The following WNK3 variants were observed in gnomAD, a reference collection of about 807,000 sequenced individuals.
WNK3 encodes serine/threonine-protein kinase WNK3.
WNK3 carries 18 observed loss-of-function variants against 116.7 expected under a neutral mutation model. The ratio of observed to expected loss-of-function variants is 0.15; its 90% confidence interval spans 0.11 to 0.23. The LOEUF is 0.23. Ranked by LOEUF, WNK3 falls within the 10% of genes least tolerant of loss-of-function variation. The pLI is 1.00. For missense variants in WNK3, 993 were observed against 1,323.8 expected, an observed-to-expected ratio of 0.75 and a Z score of 3.88; for synonymous variants, 404 against 469.4, an observed-to-expected ratio of 0.86 and a Z score of 1.80.
chrX:54,222,557 T>C (rs2146798761), intron 22 of WNK3, among the ~76,000 whole-genome samples: 1 of 105,222 alleles, frequency 9.5e-6, no homozygotes, highest in Non-Finnish European at 1.9e-5. Flanking sequence ...AGACCCTGTC[T>C]CAAAAAAAAG....
At chrX:54,333,523 C>T in exon 2 of WNK3, 1 of 1,209,869 alleles carries the variant, frequency 8.3e-7, no homozygotes, top group Non-Finnish European at 1.1e-6. Context: ...TCTACAGTTT[C>T]CCCAGAAGCA....
At chrX:54,319,545 T>C (rs1700779335) in intron 2 of WNK3, among the ~76,000 whole-genome samples, 2 of 112,151 alleles carry the variant, frequency 1.8e-5, no homozygotes, top group South Asian at 7.4e-4. Flanking sequence ...ACTACCCTAC[T>C]TCATCCTTTG....
chrX:54,235,563 AG>A (rs1269239486), intron 20 of WNK3, among the ~76,000 whole-genome samples: 1 of 111,903 alleles, frequency 8.9e-6, no homozygotes, highest in Non-Finnish European at 1.9e-5. Context: ...CTGGGATTAC[AG>A]GCATGAGCCA....
intron 10 of WNK3, among the ~76,000 whole-genome samples, chrX:54,279,747 T>C (rs782174178): frequency 9.0e-6 from 1 of 111,665 alleles, no homozygotes; most frequent in African/African-American, 3.2e-5. Flanking sequence ...AACTTTTGGG[T>C]GTTCTGGAAA....
At chrX:54,323,617 T>TA (rs1450726534) in intron 2 of WNK3, among the ~76,000 whole-genome samples, 6 of 112,071 alleles carry the variant, frequency 5.4e-5, no homozygotes, top group African/African-American at 1.6e-4. Context: ...AAAAAGTTTT[T>TA]AAAAAAGAAA....
chrX:54,281,492 AT>A (rs1440666452), intron 10 of WNK3, among the ~76,000 whole-genome samples: 1 of 110,805 alleles, frequency 9.0e-6, no homozygotes, highest in Admixed American at 9.7e-5. Context: ...TCAAAAAAAA[AT>A]TTTTTTTCAA....
intron 1 of WNK3, among the ~76,000 whole-genome samples, chrX:54,344,943 C>CA (rs782685356): frequency 0.028 from 1,285 of 46,463 alleles, 34 homozygotes; most frequent in African/African-American, 0.067. Flanking sequence ...GACTCCCTCT[C>CA]AAAAAAAAAA....
intron 6 of WNK3, among the ~76,000 whole-genome samples, chrX:54,299,059 T>C (rs782810244): frequency 8.9e-6 from 1 of 111,840 alleles, no homozygotes; most frequent in Non-Finnish European, 1.9e-5. Flanking sequence ...GGATTAACCA[T>C]CTCTGAAGAG....
intron 8 of WNK3, 147 bp from the exon 9 acceptor site, chrX:54,293,474 T>C (rs1313503657): frequency 2.5e-5 from 10 of 396,531 alleles, no homozygotes; most frequent in Non-Finnish European, 3.2e-5. Context: ...ACTACAACAT[T>C]AATCAAAAAC....
intron 17 of WNK3, among the ~76,000 whole-genome samples, chrX:54,242,663 C>G (rs1396095406): frequency 1.8e-5 from 2 of 111,823 alleles, no homozygotes; most frequent in African/African-American, 6.5e-5. Flanking sequence ...ATGCCAAGAC[C>G]ATTAAATGGG....
At chrX:54,291,648 G>C (rs1557165082) in intron 10 of WNK3, among the ~76,000 whole-genome samples, 1 of 111,493 alleles carries the variant, frequency 9.0e-6, no homozygotes, top group Non-Finnish European at 1.9e-5. Context: ...CAAATATCTG[G>C]CATCTTCAAC....
chrX:54,270,316 G>T (rs1337958400), intron 10 of WNK3, among the ~76,000 whole-genome samples: 1 of 109,682 alleles, frequency 9.1e-6, no homozygotes, highest in African/African-American at 3.3e-5. Flanking sequence ...CGTTGGTCAG[G>T]CTGGTCTTGA....
rs1603378820 is a variant in WNK3 at position 54,236,885 on chromosome X, T to C, written c.4628+53A>G. 1.2e-5 allele frequency: 14 copies of C among 1,134,950 alleles called. No individual in the cohort carries two copies. The East Asian group carries it at 4.2e-4, about 34-fold the overall frequency. 93.5% of individuals were successfully genotyped at this position (1,134,950 alleles called of 1,213,427 possible). On this transcript the variant is annotated intron_variant, in intron 20 of 23. Coordinates refer to ENST00000354646, the Ensembl canonical transcript of WNK3. The stretch of plus-strand genomic sequence containing the variant: ...AATTAGTTACCAATCCAATACTAAG[T>C]TCTATAAAACCTAGGGCAACCAGAT...
exon 14 of WNK3, chrX:54,251,662 C>T: frequency 1.2e-5 from 14 of 1,211,030 alleles, no homozygotes; most frequent in Non-Finnish European, 1.6e-5. Flanking sequence ...TTCTTTCTCA[C>T]TTTCCAGCAC....
chrX:54,347,254 G>A (rs1443531954), intron 1 of WNK3, among the ~76,000 whole-genome samples: 1 of 112,342 alleles, frequency 8.9e-6, no homozygotes, highest in Non-Finnish European at 1.9e-5. Context: ...GGGAGGCCAA[G>A]GTGGGTGGAT....
At chrX:54,320,796 T>G (rs1445657210) in intron 2 of WNK3, among the ~76,000 whole-genome samples, 7 of 111,274 alleles carry the variant, frequency 6.3e-5, no homozygotes, top group Non-Finnish European at 1.1e-4. Flanking sequence ...GCTTGAATAT[T>G]CTTGATAAAC....
intron 10 of WNK3, among the ~76,000 whole-genome samples, chrX:54,270,614 G>T (rs782392691): frequency 4.6e-5 from 5 of 108,183 alleles, no homozygotes; most frequent in African/African-American, 1.0e-4. Flanking sequence ...TGTACAGAAC[G>T]TGCAGGTTTG....
At chrX:54,215,419 G>A (rs911133963) in intron 22 of WNK3, among the ~76,000 whole-genome samples, 5 of 112,628 alleles carry the variant, frequency 4.4e-5, no homozygotes, top group Admixed American at 9.4e-5. Context: ...TCCAGCTCCC[G>A]ACCGCGAGTG....
intron 1 of WNK3, among the ~76,000 whole-genome samples, chrX:54,348,608 A>C (rs928559897): frequency 8.9e-6 from 1 of 112,284 alleles, no homozygotes; most frequent in Non-Finnish European, 1.9e-5. Flanking sequence ...GCAATGTACC[A>C]ATTTAAACTC....
Sources: gnomAD v4.1 joint callset for allele counts (sites outside exome capture counted in the v4.1 genomes callset) on GRCh38, gnomAD v4.1.1 for gene constraint, MANE v1.5 for transcripts, NCBI Gene and HGNC (gene_info 2026-07-23, HGNC 2026-07-21) for gene names.